The following RTN2 variants were observed in gnomAD, a reference collection of about 807,000 sequenced individuals.
RTN2 encodes the protein reticulon-2.
In RTN2, 36 loss-of-function variants were observed where a neutral mutation model predicts 63.7. The ratio of observed to expected loss-of-function variants is 0.56; its 90% CI spans 0.43 to 0.75. The LOEUF (loss-of-function observed/expected upper bound fraction) is 0.75, where lower values mean the gene tolerates loss of function less well. RTN2 is among the 30% of genes least tolerant of loss of function. The pLI is 0.00. For missense variants in RTN2, 673 were observed against 705.1 expected (o/e 0.95, Z 0.52); for synonymous variants, 312 against 313.0 (o/e 1.00, Z 0.03).
chr19:45,495,185 C>T (rs780473450), intron 1 of RTN2, 46 bp from the exon 2 acceptor site: 16 of 1,606,380 alleles, frequency 1.0e-5, no homozygotes, highest in African/African-American at 1.3e-5. Flanking sequence ...TTAGACTGTC[C>T]GAATCACAGA....
intron 5 of RTN2, among the ~76,000 whole-genome samples, chr19:45,491,931 A>G: frequency 6.6e-6 from 1 of 152,088 alleles, no homozygotes; most frequent in Non-Finnish European, 1.5e-5. Context: ...GCTCGGTCAT[A>G]TATATTTTTT....
At position 45,489,482 on chromosome 19, in the gene RTN2, G is replaced by A. The variant is rs1599908257; in HGVS notation, c.1105C>T (p.Leu369Phe). 2 of 1,612,994 alleles carry A rather than the reference G, an allele frequency of 1.2e-6. No homozygotes were observed. The highest frequency in any genetic ancestry group is 1.7e-6 in the Non-Finnish European group (2 of 1,179,574). ...ACGATGCTAAAGTGCAGGAGGCAGA[G>A]GAGGGAGACCATCAGGCCTGTGAAG... ...VVFTGLMVSL[L>F]CLLHFSIVSV... is the part of the protein sequence containing the mutation. Residue 369 changes from leucine (L) to phenylalanine (F), a missense_variant, in exon 6 of 11, where the codon CTC becomes TTC. Physicochemically the swap from Leu to Phe is conservative, Grantham distance 22. Coordinates refer to ENST00000245923, the MANE Select transcript of RTN2 (RefSeq NM_005619.5).
Position 45,489,813 on chromosome 19 carries a change from G to A in RTN2, c.1034-260C>T, listed in dbSNP as rs188465109. Among the ~76,000 whole-genome samples the A allele has an allele frequency of 8.1e-3, 1,228 of 151,380 alleles. 23 individuals are homozygous for A. Among genetic ancestry groups the A allele is most frequent in the Non-Finnish European group, 8.7e-3 (592 of 67,886 alleles). Reference sequence around the variant, plus strand: ...CCCACGTCAGCCTCCTCAGTAGCTGGGACTACAGGTGTGCACCACCACTCA... The same window carrying A: ...CCCACGTCAGCCTCCTCAGTAGCTGAGACTACAGGTGTGCACCACCACTCA... On this transcript the variant is annotated intron_variant, in intron 5 of 10. Coordinates refer to ENST00000245923, the MANE Select transcript of RTN2 (RefSeq NM_005619.5).
intron 9 of RTN2, among the ~76,000 whole-genome samples, chr19:45,487,545 C>G (rs1391583519): frequency 7.2e-6 from 1 of 139,654 alleles, no homozygotes; most frequent in Non-Finnish European, 1.6e-5. Flanking sequence ...CCATCCCACT[C>G]TTGATTTTAT....
At chr19:45,490,916 C>T (rs1367842815) in intron 5 of RTN2, among the ~76,000 whole-genome samples, 9 of 142,056 alleles carry the variant, frequency 6.3e-5, no homozygotes, top group African/African-American at 1.8e-4. Context: ...GACAGAGTTT[C>T]GCTCTTGTTG....
At chr19:45,492,085 G>A (rs1355277839) in intron 5 of RTN2, among the ~76,000 whole-genome samples, 1 of 152,130 alleles carries the variant, frequency 6.6e-6, no homozygotes, top group Non-Finnish European at 1.5e-5. Flanking sequence ...TCTGTCAGGT[G>A]TAAAGTGATA....
rs1046452631 is a variant in RTN2 at position 45,485,630 on chromosome 19, G to A, written c.*78C>T. 2 of 1,178,108 alleles carry A rather than the reference G, an allele frequency of 1.7e-6. No individual in the cohort carries two copies. Among genetic ancestry groups the A allele is most frequent in the Non-Finnish European group, 2.5e-6 (2 of 796,704 alleles). The allele number at this position is 1,178,108 out of a possible 1,614,324, so 73.0% of individuals were successfully genotyped here. ...GCTCGGGCCGAGGAGGGGGGTGGGT[G>A]GGAACGGACAAGAGATGGAGGGGGC... On this transcript the variant is annotated 3_prime_UTR_variant, in exon 11 of 11. Transcript: ENST00000245923.
chr19:45,493,989 C>T (rs942787228), intron 4 of RTN2, 177 bp downstream of exon 4: 12 of 1,066,554 alleles, frequency 1.1e-5, no homozygotes, highest in Non-Finnish European at 1.5e-5. Flanking sequence ...CGCGCCCGGC[C>T]GGGGAAATTT....
chr19:45,488,508 C>T lies in RTN2; in HGVS notation c.1460G>A (p.Gly487Asp). The change falls in exon 9 of 11, where the codon GGT (glycine) becomes GAT (aspartate). Residue 487 changes from glycine to aspartate, a missense_variant. Gly to Asp is a moderately conservative substitution (Grantham distance 94). Transcript: ENST00000245923. Reference protein sequence around the residue: ...GLTLLILGVIGLFTIPLLYRQ... With the variant: ...GLTLLILGVIDLFTIPLLYRQ... ...GTACAGCAGGGGGATGGTGAATAGA[C>T]CAATCACTCCTGTGGGTACAGAGAT... 1 of 1,613,996 alleles carries T rather than the reference C, an allele frequency of 6.2e-7. No individual in the cohort carries two copies. The highest frequency in any genetic ancestry group is 8.5e-7 in the Non-Finnish European group (1 of 1,179,966).
chr19:45,489,609 C>T (rs1968109390), intron 5 of RTN2, 56 bp from the exon 6 acceptor site: 3 of 1,258,984 alleles, frequency 2.4e-6, no homozygotes, highest in African/African-American at 1.5e-5. Context: ...GTCTCCTCAC[C>T]TCCCTTTCCC....
intron 10 of RTN2, 54 bp downstream of exon 10, chr19:45,486,001 G>C (rs1968012945): frequency 3.9e-6 from 6 of 1,555,408 alleles, no homozygotes; most frequent in African/African-American, 1.4e-5. Flanking sequence ...GAAAGGAAAG[G>C]TTCCCAAGCT....
At chr19:45,496,688 C>G (rs1241066632) in intron 1 of RTN2, 104 bp downstream of exon 1, 2 of 714,412 alleles carry the variant, frequency 2.8e-6, no homozygotes, top group Non-Finnish European at 4.1e-6. Flanking sequence ...TATGCCTCCT[C>G]CCCCCATCCC....
At chr19:45,490,307 A>C (rs919654467) in intron 5 of RTN2, among the ~76,000 whole-genome samples, 1 of 152,042 alleles carries the variant, frequency 6.6e-6, no homozygotes, top group Non-Finnish European at 1.5e-5. Context: ...GCCTTAATTC[A>C]TTATTTTAAA....
At chr19:45,493,907 C>T (rs1035983437) in intron 4 of RTN2, 1 of 468,082 alleles carries the variant, frequency 2.1e-6, no homozygotes, top group Non-Finnish European at 3.9e-6. Context: ...CCAGGCTGAT[C>T]TCGAACTCCT....
At position 45,496,846 on chromosome 19, in the gene RTN2, C is replaced by G. The variant is rs750795899; in HGVS notation, c.-21G>C. 6.8e-7 allele frequency: 1 copy of G among 1,461,658 alleles called. No homozygotes were observed. The highest frequency in any genetic ancestry group is 1.4e-5 in the South Asian group (1 of 73,856). 90.5% of individuals were successfully genotyped at this position (1,461,658 alleles called of 1,614,324 possible). On this transcript the variant is annotated 5_prime_UTR_variant, in exon 1 of 11. Transcript: ENST00000245923. The stretch of plus-strand genomic sequence containing the variant: ...CCCATGGCCCCCCTCGGGCCTGCAT[C>G]GGGACCCCCGCCCACTCCGGCTGTG...
In RTN2 at chr19:45,494,131, T is replaced by A. The variant is rs1968219294; in HGVS notation, c.814+35A>T. Reference sequence around the variant, plus strand: ...AAATCCTCTCACCTTTTGCCTTCTGTGGGCCAATGCAGCATCTTCATACAC... The same window carrying A: ...AAATCCTCTCACCTTTTGCCTTCTGAGGGCCAATGCAGCATCTTCATACAC... On this transcript the variant is annotated intron_variant, in intron 4 of 10. Transcript: ENST00000245923. This position sits in a 1 kb window ranked among gnomAD's most constrained non-coding sequence, Gnocchi z 5.3. 2 of 1,593,362 alleles carry A rather than the reference T, an allele frequency of 1.3e-6. No individual in the cohort carries two copies. The highest frequency in any genetic ancestry group is 1.7e-6 in the Non-Finnish European group (2 of 1,175,480).
chr19:45,496,041 A>G (rs1968261739), intron 1 of RTN2, among the ~76,000 whole-genome samples: 1 of 151,830 alleles, frequency 6.6e-6, no homozygotes, highest in Non-Finnish European at 1.5e-5. Context: ...GGGACAGAGA[A>G]CGGTAGACAT....
Position 45,486,039 on chromosome 19 carries a change from C to A in RTN2, c.1556+16G>T. 1 of 1,613,230 alleles carries A rather than the reference C, an allele frequency of 6.2e-7. No individual in the cohort carries two copies. The stretch of plus-strand genomic sequence containing the variant: ...CCCACTTCCCCCTCCCATCGACCTC[C>A]GCCCCATGCTCTTACTTAGCTTTGA... On this transcript the variant is annotated intron_variant, in intron 10 of 10. Transcript: ENST00000245923.
intron 6 of RTN2, 84 bp from the exon 7 acceptor site, chr19:45,489,070 T>C: frequency 6.8e-7 from 1 of 1,478,444 alleles, no homozygotes; most frequent in South Asian, 1.2e-5. Context: ...GGGAGAGGAA[T>C]GGCGGTTGGG....
Sources: allele counts gnomAD v4.1 joint callset (sites outside exome capture counted in the v4.1 genomes callset), GRCh38; gene constraint gnomAD v4.1.1; non-coding constraint Gnocchi (gnomAD v3.1); transcripts MANE v1.5; gene names NCBI Gene and HGNC (gene_info 2026-07-23, HGNC 2026-07-21).